The following INPP4A variants were observed in gnomAD, a reference collection of about 807,000 sequenced individuals.
INPP4A encodes the protein inositol polyphosphate-4-phosphatase type I A, also known as inositol polyphosphate-4-phosphatase, type I, 107kD.
INPP4A carries 33 observed loss-of-function variants against 119.8 expected under a neutral mutation model. That is an observed-to-expected ratio of 0.28 (90% CI 0.21 to 0.37). The LOEUF is 0.37. Ranked by LOEUF, INPP4A falls within the 10% of genes least tolerant of loss-of-function variation. INPP4A has a pLI of 1.00. For synonymous variants in INPP4A, 496 were observed against 500.7 expected, an observed-to-expected ratio of 0.99 and a Z score of 0.12; for missense variants, 956 against 1,289.9, an observed-to-expected ratio of 0.74 and a Z score of 3.97.
In INPP4A at chr2:98,546,521, C is replaced by A. The variant is rs1692514143; in HGVS notation, c.1055-65C>A. ...CAGGACCCCAGACTTGTGTGCATAT[C>A]CCTATAGCTGGCTTGTCCACAGGCC... On this transcript the variant is annotated intron_variant, in intron 12 of 24. Coordinates refer to ENST00000409851, the MANE Select transcript of INPP4A (RefSeq NM_001134225.2). This position sits in a 1 kb window ranked among gnomAD's most constrained non-coding sequence, Gnocchi z 4.2. The A allele has an allele frequency of 1.8e-6, 2 of 1,114,192 alleles. No homozygotes were observed. The highest frequency in any genetic ancestry group is 2.7e-6 in the Non-Finnish European group (2 of 739,410). 69.0% of individuals were successfully genotyped at this position (1,114,192 alleles called of 1,614,324 possible). A position where few individuals can be genotyped will look rare whatever the true frequency, so the allele number is the denominator to read the frequency against.
chr2:98,582,360 G>A (rs1297286309), intron 24 of INPP4A, among the ~76,000 whole-genome samples: 2 of 152,208 alleles, frequency 1.3e-5, no homozygotes, highest in African/African-American at 2.4e-5. Flanking sequence ...TCCAATTAAG[G>A]ATGACACAAA....
chr2:98,445,146 G>C (rs1045709746), intron 1 of INPP4A, 61 bp downstream of exon 1: 1 of 151,734 alleles, frequency 6.6e-6, no homozygotes, highest in East Asian at 1.9e-4. Flanking sequence ...GGCCGGGGAC[G>C]GACAGCGGGC....
chr2:98,515,823 C>T (rs1686012733), intron 1 of INPP4A, among the ~76,000 whole-genome samples: 1 of 152,198 alleles, frequency 6.6e-6, no homozygotes, highest in South Asian at 2.1e-4. Flanking sequence ...CCCTCCCGTC[C>T]TGCCAGTGCC....
intron 1 of INPP4A, among the ~76,000 whole-genome samples, chr2:98,498,400 C>T (rs554248084): frequency 1.3e-5 from 2 of 152,080 alleles, no homozygotes; most frequent in African/African-American, 4.8e-5. Context: ...GATTGTGAGG[C>T]CTCCCCAACC....
chr2:98,472,287 G>A (rs111714987), intron 1 of INPP4A, among the ~76,000 whole-genome samples: 1,588 of 152,336 alleles, frequency 0.01, 45 homozygotes, highest in African/African-American at 0.036. Flanking sequence ...ACCCAGCCCT[G>A]CTCCTGGGAG....
intron 1 of INPP4A, among the ~76,000 whole-genome samples, chr2:98,479,121 G>A (rs556726054): frequency 6.6e-6 from 1 of 152,138 alleles, no homozygotes; most frequent in African/African-American, 2.4e-5. Flanking sequence ...TTGCCCTAGA[G>A]TGCTTGTTCC....
intron 19 of INPP4A, 127 bp from the exon 20 acceptor site, chr2:98,565,513 C>G: frequency 1.0e-6 from 1 of 956,754 alleles, no homozygotes; most frequent in Non-Finnish European, 1.5e-6. Flanking sequence ...CAGAGACTCC[C>G]CCTCCACCAG....
chr2:98,470,119 A>G (rs1291071709), intron 1 of INPP4A, among the ~76,000 whole-genome samples: 1 of 152,366 alleles, frequency 6.6e-6, no homozygotes, highest in East Asian at 1.9e-4. Flanking sequence ...TTCTCAGCAC[A>G]GTGGCCTGTG....
chr2:98,567,581 T>C (rs1696704014), intron 21 of INPP4A, among the ~76,000 whole-genome samples: 1 of 152,150 alleles, frequency 6.6e-6, no homozygotes, highest in Admixed American at 6.5e-5. Context: ...AGGAGCAGTT[T>C]CTAGAGAGGG....
chr2:98,476,756 C>T (rs1430634232), intron 1 of INPP4A, among the ~76,000 whole-genome samples: 2 of 152,240 alleles, frequency 1.3e-5, no homozygotes, highest in African/African-American at 4.8e-5. Context: ...CCCTTCCTGT[C>T]TTCCAGAAAT....
At position 98,444,911 on chromosome 2, in the gene INPP4A, C is replaced by G. The variant is rs573103838; in HGVS notation, c.-340C>G. 1.3e-5 allele frequency: 2 copies of G among 151,422 alleles called. No homozygotes were observed. Among genetic ancestry groups the G allele is most frequent in the Admixed American group, 1.3e-4 (2 of 15,194 alleles). The allele number at this position is 151,422 out of a possible 1,614,324, so 9.4% of individuals were successfully genotyped here. On this transcript the variant is annotated 5_prime_UTR_variant, in exon 1 of 25. Coordinates refer to ENST00000409851, the MANE Select transcript of INPP4A (RefSeq NM_001134225.2). Reference sequence around the variant, plus strand: ...TGCGGCGCGCGTGGAGGGTTCGCTGCTGGTTTGCCGCCGGGTCGGGCTCCG... The same window carrying G: ...TGCGGCGCGCGTGGAGGGTTCGCTGGTGGTTTGCCGCCGGGTCGGGCTCCG...
chr2:98,566,274 A>T lies in INPP4A; in HGVS notation c.2420+105A>T. 2 of 1,249,976 alleles carry T rather than the reference A, an allele frequency of 1.6e-6. 1 individual carries two copies. Among genetic ancestry groups the T allele is most frequent in the South Asian group, 3.5e-5 (2 of 57,768 alleles). 77.4% of individuals were successfully genotyped at this position (1,249,976 alleles called of 1,614,324 possible). A position where few individuals can be genotyped will look rare whatever the true frequency, so the allele number is the denominator to read the frequency against. On this transcript the variant is annotated intron_variant, in intron 21 of 24. Coordinates refer to ENST00000409851, the MANE Select transcript of INPP4A (RefSeq NM_001134225.2). The surrounding 1 kb of genome is among the most constrained non-coding windows in gnomAD (Gnocchi z 4.2). ...CTCTAAGTGCTGGACAGACTTTGTC[A>T]TCCTTCCTTCCTTTGGCCAACATTT...
chr2:98,533,092 A>G (rs879442898), intron 4 of INPP4A, among the ~76,000 whole-genome samples: 1 of 152,116 alleles, frequency 6.6e-6, no homozygotes, highest in Non-Finnish European at 1.5e-5. Flanking sequence ...GACCTATATG[A>G]GATTTCTGGC....
chr2:98,525,632 C>T (rs944040360), intron 4 of INPP4A, among the ~76,000 whole-genome samples: 5 of 152,282 alleles, frequency 3.3e-5, no homozygotes, highest in South Asian at 4.1e-4. Flanking sequence ...ATTCACAACA[C>T]GTATACTTCA....
At position 98,575,164 on chromosome 2, in the gene INPP4A, A is replaced by G. The variant is rs3769705; in HGVS notation, c.2632-1825A>G. Among the ~76,000 whole-genome samples the G allele has an allele frequency of 1.0e-3, 156 of 152,328 alleles. 3 individuals carry two copies. In the East Asian group the frequency reaches 0.027, roughly 27 times the overall value. On this transcript the variant is annotated intron_variant, in intron 23 of 24. Coordinates refer to ENST00000409851, the MANE Select transcript of INPP4A (RefSeq NM_001134225.2). ...AAGGGTCCCTGGCTGAATAGCTGGA[A>G]TATCTTTAGTCAGGTCTAAGCCTAT... is the stretch of plus-strand genomic sequence containing the variant.
intron 16 of INPP4A, among the ~76,000 whole-genome samples, chr2:98,558,352 C>T (rs1694858079): frequency 6.6e-6 from 1 of 152,116 alleles, no homozygotes; most frequent in Non-Finnish European, 1.5e-5. Flanking sequence ...CCTCACATAA[C>T]CTGATTAGCA....
chr2:98,489,183 G>C (rs1680181751), intron 1 of INPP4A, among the ~76,000 whole-genome samples: 1 of 152,066 alleles, frequency 6.6e-6, no homozygotes. Flanking sequence ...GAGCTCCCAA[G>C]AATGGTGGTA....
chr2:98,469,649 A>G (rs533966424), intron 1 of INPP4A, among the ~76,000 whole-genome samples: 1 of 151,912 alleles, frequency 6.6e-6, no homozygotes, highest in South Asian at 2.1e-4. Flanking sequence ...CTAAAAATAC[A>G]AAAAATTAGC....
chr2:98,497,725 T>C (rs997926741), intron 1 of INPP4A, among the ~76,000 whole-genome samples: 1 of 152,248 alleles, frequency 6.6e-6, no homozygotes, highest in Non-Finnish European at 1.5e-5. Context: ...TCTGCTTTGC[T>C]GTGCAGAAGC....
Sources: gnomAD v4.1 joint callset for allele counts (sites outside exome capture counted in the v4.1 genomes callset) on GRCh38, gnomAD v4.1.1 for gene constraint, Gnocchi (gnomAD v3.1) non-coding constraint, MANE v1.5 for transcripts, NCBI Gene and HGNC (gene_info 2026-07-23, HGNC 2026-07-21) for gene names.